NEGR1: variants seen among roughly 807,000 people sequenced by gnomAD.
NEGR1 encodes the protein IgLON family member 4.
In NEGR1, 10 loss-of-function variants were observed where a neutral mutation model predicts 40.9. The ratio of observed to expected loss-of-function variants is 0.24; its 90% CI spans 0.15 to 0.42. NEGR1 has a LOEUF of 0.42. Ranked by LOEUF, NEGR1 falls within the 10% of genes least tolerant of loss-of-function variation. The probability of loss-of-function intolerance (pLI) is 1.00; values close to 1 mark genes in which losing one functional copy is unlikely to be tolerated. For missense variants in NEGR1, 352 were observed against 438.9 expected, an observed-to-expected ratio of 0.80 and a Z score of 1.77; for synonymous variants, 185 against 166.8, an observed-to-expected ratio of 1.11 and a Z score of -0.84.
rs1326541162 is a variant in NEGR1, at chr1:71,820,723, G to T, written c.410-44426C>A. Among the ~76,000 whole-genome samples, 4 of 151,916 alleles carry T rather than the reference G, an allele frequency of 2.6e-5. No homozygotes were observed. In the East Asian group the frequency reaches 7.8e-4, roughly 30 times the overall value. ...GGTCAGAGCTATCACACAGCATGAG[G>T]CCAAGTGAATGTCCCTGAACCTGCT... On this transcript the variant is annotated intron_variant, in intron 2 of 6. Coordinates refer to ENST00000357731, the MANE Select transcript of NEGR1 (RefSeq NM_173808.3).
chr1:71,971,109 GA>G (rs1370478389), intron 1 of NEGR1, among the ~76,000 whole-genome samples: 1 of 152,156 alleles, frequency 6.6e-6, no homozygotes, highest in African/African-American at 2.4e-5. Flanking sequence ...AAGGACACAT[GA>G]AGACAAAGGC....
intron 2 of NEGR1, among the ~76,000 whole-genome samples, chr1:71,903,051 T>TTTTG (rs10695194): frequency 0.31 from 46,249 of 151,420 alleles, 7,294 homozygotes; most frequent in East Asian, 0.6. Flanking sequence ...TAAAATTCAG[T>TTTTG]TTTATCATAG....
intron 1 of NEGR1, among the ~76,000 whole-genome samples, chr1:72,196,468 T>C (rs1316217829): frequency 6.6e-6 from 1 of 152,078 alleles, no homozygotes; most frequent in Non-Finnish European, 1.5e-5. Context: ...TGCAATTTTA[T>C]ACTTAGAAAA....
chr1:71,526,841 A>C (rs1048944648), intron 6 of NEGR1, among the ~76,000 whole-genome samples: 1 of 151,576 alleles, frequency 6.6e-6, no homozygotes, highest in Non-Finnish European at 1.5e-5. Flanking sequence ...ACAGCAAGGA[A>C]CACAAGACCC....
At chr1:71,660,262 G>GATA (rs1652012294) in intron 4 of NEGR1, among the ~76,000 whole-genome samples, 1 of 152,146 alleles carries the variant, frequency 6.6e-6, no homozygotes, top group African/African-American at 2.4e-5. Context: ...ACTTGTAAGT[G>GATA]AGAGCTAAAT....
chr1:71,535,413 A>T (rs1647482201), intron 6 of NEGR1, among the ~76,000 whole-genome samples: 1 of 151,716 alleles, frequency 6.6e-6, no homozygotes, highest in Admixed American at 6.6e-5. Flanking sequence ...GCTTATGTAG[A>T]GCTAAATTGC....
chr1:71,775,062 G>C (rs558720841), intron 3 of NEGR1, among the ~76,000 whole-genome samples: 1 of 152,282 alleles, frequency 6.6e-6, no homozygotes, highest in South Asian at 2.1e-4. Flanking sequence ...CAAAGTCTTT[G>C]ATTGAAAGCT....
At chr1:71,870,614 G>A (rs1461051723) in intron 2 of NEGR1, among the ~76,000 whole-genome samples, 1 of 152,138 alleles carries the variant, frequency 6.6e-6, no homozygotes. Flanking sequence ...CCTAATTCCA[G>A]AATTTGGTAT....
At chr1:71,660,414 A>G (rs1238246096) in intron 4 of NEGR1, among the ~76,000 whole-genome samples, 2 of 152,096 alleles carry the variant, frequency 1.3e-5, no homozygotes, top group African/African-American at 2.4e-5. Flanking sequence ...CATATGTACA[A>G]CAAGCCCCTG....
intron 6 of NEGR1, among the ~76,000 whole-genome samples, chr1:71,511,730 T>C (rs891047122): frequency 8.5e-5 from 13 of 152,254 alleles, no homozygotes; most frequent in African/African-American, 3.1e-4. Context: ...TTAATGTTCT[T>C]AGTGTCACAA....
chr1:71,690,658 A>AGAGAGAGAGAGAGAGG (rs1653244456), intron 4 of NEGR1, among the ~76,000 whole-genome samples: 1 of 145,444 alleles, frequency 6.9e-6, no homozygotes, highest in Non-Finnish European at 1.5e-5. Flanking sequence ...AGAGAGAGAG[A>AGAGAGAGAGAGAGAGG]GAGAGAGATT....
At chr1:71,608,362 G>C (rs1450961416) in intron 5 of NEGR1, among the ~76,000 whole-genome samples, 1 of 151,650 alleles carries the variant, frequency 6.6e-6, no homozygotes, top group Non-Finnish European at 1.5e-5. Flanking sequence ...GAACTCCTTT[G>C]AAAATCTAAT....
intron 1 of NEGR1, among the ~76,000 whole-genome samples, chr1:72,279,509 GAT>G (rs1656173722): frequency 6.6e-6 from 1 of 152,150 alleles, no homozygotes; most frequent in African/African-American, 2.4e-5. Context: ...CTTGATGAAT[GAT>G]ATGTAATTTG....
chr1:71,963,346 A>T (rs1405694235), intron 1 of NEGR1, among the ~76,000 whole-genome samples: 2 of 152,184 alleles, frequency 1.3e-5, no homozygotes, highest in Non-Finnish European at 2.9e-5. Flanking sequence ...ATCAGCAGTT[A>T]TTCTATGTTA....
intron 2 of NEGR1, among the ~76,000 whole-genome samples, chr1:71,919,695 T>C (rs958331767): frequency 1.1e-4 from 17 of 152,136 alleles, no homozygotes; most frequent in African/African-American, 3.9e-4. Context: ...AAATTGTTCC[T>C]CAATAAACAA....
At chr1:71,701,630 A>T (rs1653696634) in intron 3 of NEGR1, among the ~76,000 whole-genome samples, 2 of 152,062 alleles carry the variant, frequency 1.3e-5, no homozygotes, top group Admixed American at 6.6e-5. Flanking sequence ...CATGTAAGGT[A>T]ACATGGTCAT....
chr1:72,008,998 CAAA>C (rs75786445), intron 1 of NEGR1, among the ~76,000 whole-genome samples: 1 of 126,106 alleles, frequency 7.9e-6, no homozygotes. Context: ...TCTCATCAGT[CAAA>C]AAAAAAAAAG....
intron 1 of NEGR1, among the ~76,000 whole-genome samples, chr1:72,225,436 T>G (rs1654161013): frequency 6.6e-6 from 1 of 151,744 alleles, no homozygotes. Flanking sequence ...ATAAAATATC[T>G]TAATATTCAT....
intron 6 of NEGR1, among the ~76,000 whole-genome samples, chr1:71,485,610 C>G (rs1646882596): frequency 6.6e-6 from 1 of 151,660 alleles, no homozygotes; most frequent in African/African-American, 2.4e-5. Flanking sequence ...CTTTCCCCAA[C>G]CCTTGGCAAA....
Sources: gnomAD v4.1 joint callset for allele counts (sites outside exome capture counted in the v4.1 genomes callset) on GRCh38, gnomAD v4.1.1 for gene constraint, MANE v1.5 for transcripts, NCBI Gene and HGNC (gene_info 2026-07-23, HGNC 2026-07-21) for gene names.